PPP2R3B: variants seen among roughly 807,000 people sequenced by gnomAD.
The protein encoded by PPP2R3B is protein phosphatase 2 regulatory subunit B''beta, also known as serine/threonine-protein phosphatase 2A regulatory subunit B'' subunit beta.
PPP2R3B carries 68 observed loss-of-function variants against 72.9 expected under a neutral mutation model. The ratio of observed to expected loss-of-function variants is 0.93; its 90% CI spans 0.77 to 1.14. The LOEUF (loss-of-function observed/expected upper bound fraction) is 1.14. PPP2R3B is among the 50% of genes most tolerant of loss of function. The pLI, the probability that PPP2R3B is intolerant of heterozygous loss-of-function variation, is 0.00. For synonymous variants in PPP2R3B, 466 were observed against 375.8 expected (o/e 1.24, Z -2.78); for missense variants, 1,018 against 842.0 (o/e 1.21, Z -2.59).
At chrX:372,116 C>G (rs997010080) in intron 1 of PPP2R3B, among the ~76,000 whole-genome samples, 126 of 152,288 alleles carry the variant, frequency 8.3e-4, no homozygotes, top group African/African-American at 2.9e-3. Context: ...CTGCGACCAG[C>G]GAGCCCGCAC....
intron 2 of PPP2R3B, among the ~76,000 whole-genome samples, chrX:349,137 C>T (rs1264426805): frequency 2.0e-5 from 3 of 152,152 alleles, no homozygotes; most frequent in African/African-American, 4.8e-5. Context: ...CCAAGATCCA[C>T]GTGCTGAAAT....
At position 334,037 on chromosome X, in the gene PPP2R3B, G is replaced by A. The variant is rs2070815249; in HGVS notation, c.*330C>T. On this transcript the variant is annotated 3_prime_UTR_variant, in exon 13 of 13. Transcript: ENST00000390665. Reference sequence around the variant, plus strand: ...CTCCTGTCCAGGACTGAGGCGCCCGGGAGCCGCCGGTCACCGTTGTGCGCA... The same window carrying A: ...CTCCTGTCCAGGACTGAGGCGCCCGAGAGCCGCCGGTCACCGTTGTGCGCA... 7.7e-6 allele frequency: 2 copies of A among 258,598 alleles called. No individual in the cohort carries two copies. Among genetic ancestry groups the A allele is most frequent in the South Asian group, 1.5e-4 (1 of 6,460 alleles). 16.0% of individuals were successfully genotyped at this position (258,598 alleles called of 1,614,324 possible). A position where few individuals can be genotyped will look rare whatever the true frequency, so the allele number is the denominator to read the frequency against.
In PPP2R3B at chrX:333,950, C is replaced by T. The variant is rs761834088; in HGVS notation, c.*417G>A. The T allele has an allele frequency of 1.7e-3, 271 of 163,500 alleles. 1 individual carries two copies. The highest frequency in any genetic ancestry group is 4.2e-3 in the Admixed American group (66 of 15,568). 10.1% of individuals were successfully genotyped at this position (163,500 alleles called of 1,614,324 possible). On this transcript the variant is annotated 3_prime_UTR_variant, in exon 13 of 13. Coordinates refer to ENST00000390665, the MANE Select transcript of PPP2R3B (RefSeq NM_013239.5). ...ACTGAAAATCCTCCAAACGTACAAG[C>T]GTGATCGCCAGAAACGGTTTTGTAC... is the stretch of plus-strand genomic sequence containing the variant.
chrX:341,738 G>T (rs1418347776), intron 8 of PPP2R3B, 145 bp downstream of exon 8: 14 of 898,464 alleles, frequency 1.6e-5, no homozygotes, highest in Non-Finnish European at 2.6e-5. Context: ...TCACGTGACA[G>T]AGACACGTGC....
chrX:356,393 T>G (rs917177369), intron 2 of PPP2R3B, among the ~76,000 whole-genome samples: 8 of 152,066 alleles, frequency 5.3e-5, no homozygotes, highest in Non-Finnish European at 1.0e-4. Context: ...TTTTTGTATT[T>G]TTAGTAGAGA....
At chrX:351,514 A>G (rs1424141674) in intron 2 of PPP2R3B, among the ~76,000 whole-genome samples, 1 of 152,100 alleles carries the variant, frequency 6.6e-6, no homozygotes. Context: ...GCTGGAGTGC[A>G]GTGTGTGATC....
intron 1 of PPP2R3B, among the ~76,000 whole-genome samples, chrX:372,051 CAGGGCTGA>C (rs1158149389): frequency 6.6e-6 from 1 of 152,192 alleles, no homozygotes; most frequent in Non-Finnish European, 1.5e-5. Flanking sequence ...GGCCCCACTG[CAGGGCTGA>C]AGGGCTTCCT....
chrX:375,215 C>T (rs909389030), intron 1 of PPP2R3B, among the ~76,000 whole-genome samples: 23 of 152,186 alleles, frequency 1.5e-4, no homozygotes, highest in East Asian at 3.9e-4. Flanking sequence ...CTCTGACCCC[C>T]GGTAAGTCTC....
chrX:386,464 G>T lies in PPP2R3B; in HGVS notation c.228C>A (p.Thr76=). The T allele has an allele frequency of 7.8e-7, 1 of 1,288,198 alleles. No homozygotes were observed. The highest frequency in any genetic ancestry group is 3.0e-5 in the East Asian group (1 of 33,420). 79.8% of individuals were successfully genotyped at this position (1,288,198 alleles called of 1,614,324 possible). Residue 76 remains threonine, a synonymous_variant, in exon 1 of 13, where the codon ACC becomes ACA. Coordinates refer to ENST00000390665, the MANE Select transcript of PPP2R3B (RefSeq NM_013239.5). ...PRPSGLEPPG[T]PGPGPALPLG... is the part of the protein sequence containing the mutation. ...GGGGCAGCGCAGGGCCCGGCCCGGG[G>T]GTTCCCGGGGGTTCGAGCCCGCTGG...
chrX:383,231 G>A (rs369880339), intron 1 of PPP2R3B, among the ~76,000 whole-genome samples: 15 of 152,158 alleles, frequency 9.9e-5, no homozygotes, highest in East Asian at 9.6e-4. Flanking sequence ...AACGCAAGGA[G>A]CTCACCTCAG....
Position 342,014 on chromosome X carries a change from G to A in PPP2R3B, c.1037-83C>T, listed in dbSNP as rs1426190914. ...ACCCCCCGGAGCCGAGACTGGATGC[G>A]GTGGGGACCGAAAAGCTGAGAGGAC... On this transcript the variant is annotated intron_variant, in intron 7 of 12. Coordinates refer to ENST00000390665, the MANE Select transcript of PPP2R3B (RefSeq NM_013239.5). 53 of 1,533,446 alleles carry A rather than the reference G, an allele frequency of 3.5e-5. No individual in the cohort carries two copies. In the Middle Eastern group the frequency reaches 5.2e-4, roughly 15 times the overall value. 95.0% of individuals were successfully genotyped at this position (1,533,446 alleles called of 1,614,324 possible). A position where few individuals can be genotyped will look rare whatever the true frequency, so the allele number is the denominator to read the frequency against.
At position 334,227 on chromosome X, in the gene PPP2R3B, C is replaced by G. The variant is rs1390936921; in HGVS notation, c.*140G>C. The stretch of plus-strand genomic sequence containing the variant: ...CCAGCCACGAACCCACAGCGGCAAT[C>G]AACACGCTTCTGTGAATAAATAAAA... On this transcript the variant is annotated 3_prime_UTR_variant, in exon 13 of 13. Transcript: ENST00000390665. 2 of 1,081,158 alleles carry G rather than the reference C, an allele frequency of 1.8e-6. No homozygotes were observed. Among genetic ancestry groups the G allele is most frequent in the African/African-American group, 1.7e-5 (1 of 58,740 alleles). The allele number at this position is 1,081,158 out of a possible 1,614,324, so 67.0% of individuals were successfully genotyped here.
intron 1 of PPP2R3B, among the ~76,000 whole-genome samples, chrX:382,756 A>T (rs1257235151): frequency 3.3e-5 from 5 of 152,162 alleles, no homozygotes; most frequent in Non-Finnish European, 5.9e-5. Flanking sequence ...CAGCCCTAGG[A>T]GAATTCATGC....
Position 341,318 on chromosome X carries a change from T to C in PPP2R3B, c.1164A>G (p.Lys388=). Residue 388 remains lysine, a synonymous_variant, in exon 9 of 13, where the codon AAA becomes AAG. Transcript: ENST00000390665. ...VWFLISEEDK[K]TPTSIEYWFR... is the part of the protein sequence containing the mutation. Reference sequence around the variant, plus strand: ...CAGCAGGAACCCACCTGGTCGGTGTTTTTTTGTCTTCCTCAGAGATCAAAA... The same window carrying C: ...CAGCAGGAACCCACCTGGTCGGTGTCTTTTTGTCTTCCTCAGAGATCAAAA... 3 of 1,612,632 alleles carry C rather than the reference T, an allele frequency of 1.9e-6. No homozygotes were observed. Among genetic ancestry groups the C allele is most frequent in the Non-Finnish European group, 2.5e-6 (3 of 1,179,744 alleles).
chrX:376,227 A>G (rs112185469), intron 1 of PPP2R3B, among the ~76,000 whole-genome samples: 5,702 of 151,916 alleles, frequency 0.038, 370 homozygotes, highest in African/African-American at 0.13. Flanking sequence ...CTTTTGGAAA[A>G]CAGCCTCAAA....
chrX:384,278 C>CTATATA (rs200957201), intron 1 of PPP2R3B, among the ~76,000 whole-genome samples: 1 of 148,294 alleles, frequency 6.7e-6, no homozygotes, highest in Non-Finnish European at 1.5e-5. Flanking sequence ...CTCTCTCTCT[C>CTATATA]TCTCTATATA....
intron 7 of PPP2R3B, 125 bp from the exon 8 acceptor site, chrX:342,056 GC>G: frequency 8.5e-7 from 1 of 1,180,256 alleles, no homozygotes; most frequent in Non-Finnish European, 1.3e-6. Flanking sequence ...GTCTGGGAGA[GC>G]CCCGGGGCCC....
chrX:370,512 A>G (rs1471527898), intron 1 of PPP2R3B, among the ~76,000 whole-genome samples: 1 of 152,122 alleles, frequency 6.6e-6, no homozygotes, highest in Non-Finnish European at 1.5e-5. Flanking sequence ...GATGCCGCGC[A>G]ACACAGCGAG....
At chrX:372,121 C>T (rs762160913) in intron 1 of PPP2R3B, among the ~76,000 whole-genome samples, 1 of 152,274 alleles carries the variant, frequency 6.6e-6, no homozygotes, top group South Asian at 2.1e-4. Flanking sequence ...ACCAGCGAGC[C>T]CGCACCGCCC....
Sources: allele counts gnomAD v4.1 joint callset (sites outside exome capture counted in the v4.1 genomes callset), GRCh38; gene constraint gnomAD v4.1.1; transcripts MANE v1.5; gene names NCBI Gene and HGNC (gene_info 2026-07-23, HGNC 2026-07-21).